The following FAM171B variants were observed in gnomAD, a reference collection of about 807,000 sequenced individuals.
FAM171B encodes family with sequence similarity 171 member B.
Under a neutral mutation model 75.6 loss-of-function variants are expected in FAM171B, and 19 were observed. The ratio of observed to expected loss-of-function variants is 0.25; its 90% CI spans 0.18 to 0.37. The LOEUF (loss-of-function observed/expected upper bound fraction) is 0.37. FAM171B is among the 10% of genes least tolerant of loss of function. The pLI is 1.00. For missense variants in FAM171B, 848 were observed against 982.4 expected (o/e 0.86, Z 1.83); for synonymous variants, 367 against 361.7 (o/e 1.01, Z -0.17).
chr2:186,763,475 AAAATAAGTAAGATGTTAATTTAG>A lies in FAM171B; in HGVS notation c.*657_*679del, dbSNP rs1295085119. 2 of 152,152 alleles carry A rather than the reference AAAATAAGTAAGATGTTAATTTAG, an allele frequency of 1.3e-5. No homozygotes were observed. The highest frequency in any genetic ancestry group is 2.9e-5 in the Non-Finnish European group (2 of 68,002). 9.4% of individuals were successfully genotyped at this position (152,152 alleles called of 1,614,324 possible). A position where few individuals can be genotyped will look rare whatever the true frequency, so the allele number is the denominator to read the frequency against. ...TGGTTGTTTTTGGATATAACTTTAC[AAAATAAGTAAGATGTTAATTTAG>A]AAATTTGAGAAATTAATGCTCTAAT... On this transcript the variant is annotated 3_prime_UTR_variant, in exon 8 of 8. Coordinates refer to ENST00000304698, the MANE Select transcript of FAM171B (RefSeq NM_177454.4).
At chr2:186,757,361 G>C (rs1019088941) in intron 6 of FAM171B, among the ~76,000 whole-genome samples, 1 of 152,070 alleles carries the variant, frequency 6.6e-6, no homozygotes, top group African/African-American at 2.4e-5. Flanking sequence ...GAAATTCCAA[G>C]TGTTTTAGAA....
At chr2:186,702,879 G>A (rs937022231) in intron 1 of FAM171B, among the ~76,000 whole-genome samples, 4 of 151,904 alleles carry the variant, frequency 2.6e-5, no homozygotes, top group Non-Finnish European at 4.4e-5. Flanking sequence ...TCATTTATAT[G>A]TGACATTTCA....
chr2:186,724,097 A>C (rs1277268160), intron 1 of FAM171B, among the ~76,000 whole-genome samples: 1 of 152,212 alleles, frequency 6.6e-6, no homozygotes, highest in East Asian at 1.9e-4. Flanking sequence ...AATAGATCAA[A>C]GTTGAGAAGT....
intron 1 of FAM171B, among the ~76,000 whole-genome samples, chr2:186,707,515 C>G (rs969807196): frequency 1.3e-5 from 2 of 152,096 alleles, no homozygotes; most frequent in Non-Finnish European, 2.9e-5. Flanking sequence ...CCCAACCCTG[C>G]CCTTCTATGC....
chr2:186,728,452 G>A (rs75147890), intron 1 of FAM171B, among the ~76,000 whole-genome samples: 24,897 of 152,090 alleles, frequency 0.16, 2,173 homozygotes, highest in Middle Eastern at 0.25. Flanking sequence ...CTGAGGAAAA[G>A]TAGGTAATCA....
intron 1 of FAM171B, among the ~76,000 whole-genome samples, chr2:186,698,034 T>A (rs1689606639): frequency 6.6e-6 from 1 of 152,202 alleles, no homozygotes; most frequent in Non-Finnish European, 1.5e-5. Flanking sequence ...ATACAACAGC[T>A]CTTATTTCTC....
At chr2:186,717,018 G>A (rs1027849327) in intron 1 of FAM171B, among the ~76,000 whole-genome samples, 2 of 152,134 alleles carry the variant, frequency 1.3e-5, no homozygotes, top group Admixed American at 1.3e-4. Context: ...CAGGCAGACA[G>A]GTAGTGTAAC....
chr2:186,725,169 C>T (rs950238672), intron 1 of FAM171B, among the ~76,000 whole-genome samples: 45 of 147,788 alleles, frequency 3.0e-4, no homozygotes, highest in African/African-American at 1.1e-3. Flanking sequence ...ACGGTGAAAC[C>T]CTGTCTCTAC....
At chr2:186,695,451 C>T (rs1158323665) in intron 1 of FAM171B, among the ~76,000 whole-genome samples, 1 of 152,084 alleles carries the variant, frequency 6.6e-6, no homozygotes, top group Non-Finnish European at 1.5e-5. Context: ...TTTATTATGA[C>T]GTTTGTTTTT....
intron 1 of FAM171B, among the ~76,000 whole-genome samples, chr2:186,714,261 GA>G (rs554258521): frequency 1.4e-4 from 21 of 152,104 alleles, no homozygotes; most frequent in Admixed American, 2.6e-4. Flanking sequence ...ATTAGATCTG[GA>G]AGATTGTGTT....
intron 2 of FAM171B, among the ~76,000 whole-genome samples, chr2:186,743,170 C>A (rs1357870182): frequency 6.6e-6 from 1 of 152,088 alleles, no homozygotes; most frequent in Non-Finnish European, 1.5e-5. Context: ...GTTATTCAAG[C>A]ATTTAACTTG....
Position 186,702,911 on chromosome 2 carries a change from T to C in FAM171B, c.238+8500T>C, listed in dbSNP as rs6717512. Among the ~76,000 whole-genome samples, 11 of 152,008 alleles carry C rather than the reference T, an allele frequency of 7.2e-5. No homozygotes were observed. The South Asian group carries it at 2.3e-3, about 32-fold the overall frequency. On this transcript the variant is annotated intron_variant, in intron 1 of 7. Transcript: ENST00000304698. ...TTCAACTTCTATTTAATATGCTTTT[T>C]CTTCCTCAAGCAGATTTCTATATCA...
In FAM171B at chr2:186,751,312, A is replaced by G. The variant is rs1196134922; in HGVS notation, c.895+8A>G. Reference sequence around the variant, plus strand: ...CATTTGATATGAACACAGGTATGTGAGCTAGGTTAAAATAGTCTGAATATT... The same window carrying G: ...CATTTGATATGAACACAGGTATGTGGGCTAGGTTAAAATAGTCTGAATATT... On this transcript the variant is annotated splice_region_variant and intron_variant, in intron 5 of 7. Coordinates refer to ENST00000304698, the MANE Select transcript of FAM171B (RefSeq NM_177454.4). The G allele has an allele frequency of 7.8e-6, 12 of 1,541,070 alleles. No homozygotes were observed. Among genetic ancestry groups the G allele is most frequent in the Non-Finnish European group, 1.1e-5 (12 of 1,136,264 alleles).
intron 4 of FAM171B, among the ~76,000 whole-genome samples, chr2:186,748,062 A>G (rs1019366336): frequency 1.3e-5 from 2 of 152,086 alleles, no homozygotes; most frequent in African/African-American, 4.8e-5. Context: ...AGCTGGGACT[A>G]CAGGCATGCA....
Position 186,737,476 on chromosome 2 carries a change from C to T in FAM171B, c.239-2752C>T, listed in dbSNP as rs1331093969. Among the ~76,000 whole-genome samples, 5 of 152,268 alleles carry T rather than the reference C, an allele frequency of 3.3e-5. No individual in the cohort carries two copies. The East Asian group carries it at 9.7e-4, about 29-fold the overall frequency. ...GGCTAAATCATCCTTCCTTCTCACC[C>T]TCCCAAGCAGCTGGCATGTGCCAGT... On this transcript the variant is annotated intron_variant, in intron 1 of 7. Coordinates refer to ENST00000304698, the MANE Select transcript of FAM171B (RefSeq NM_177454.4).
rs746873547 is a variant in FAM171B at position 186,740,274 on chromosome 2, T to G, written c.285T>G (p.Arg95=). 4 of 1,613,926 alleles carry G rather than the reference T, an allele frequency of 2.5e-6. No individual in the cohort carries two copies. Among genetic ancestry groups the G allele is most frequent in the Admixed American group, 1.7e-5 (1 of 60,006 alleles). ...TCCAGGTGAATGACATCATCAGTCG[T>G]CAGTACCTGAGCCAAGCAGTTGTAG... ...LKVQVNDIIS[R]QYLSQAVVEV... is the part of the protein sequence containing the mutation. The change falls in exon 2 of 8, where the codon CGT becomes CGG. Residue 95 remains arginine (R), a synonymous_variant. Transcript: ENST00000304698.
In FAM171B at chr2:186,762,006, A is replaced by G; in HGVS notation, c.1664A>G (p.His555Arg). 1 of 1,613,646 alleles carries G rather than the reference A, an allele frequency of 6.2e-7. No individual in the cohort carries two copies. Among genetic ancestry groups the G allele is most frequent in the Admixed American group, 1.7e-5 (1 of 59,906 alleles). ...SDLFSTPEQL[H>R]TAKSATLPRK... Reference sequence around the variant, plus strand: ...CTTTTCTCCACACCGGAACAATTACATACTGCTAAGTCAGCTACTTTGCCA... The same window carrying G: ...CTTTTCTCCACACCGGAACAATTACGTACTGCTAAGTCAGCTACTTTGCCA... The change falls in exon 8 of 8, where the codon CAT becomes CGT. Residue 555 changes from histidine (H) to arginine (R), a missense_variant. Transcript: ENST00000304698. The surrounding 1 kb of genome is among the most constrained non-coding windows in gnomAD (Gnocchi z 4.0).
chr2:186,701,241 C>T (rs1424442324), intron 1 of FAM171B, among the ~76,000 whole-genome samples: 1 of 152,054 alleles, frequency 6.6e-6, no homozygotes, highest in Non-Finnish European at 1.5e-5. Flanking sequence ...TTAAATTGTA[C>T]ATATTATATT....
chr2:186,761,521 T>C lies in FAM171B; in HGVS notation c.1179T>C (p.Thr393=), dbSNP rs751315190. The C allele has an allele frequency of 6.3e-7, 1 of 1,590,002 alleles. No homozygotes were observed. Among genetic ancestry groups the C allele is most frequent in the Admixed American group, 1.9e-5 (1 of 53,004 alleles). ...CACAGAAAAGAGAAAGAAATATCAC[T>C]AAACTTGAGGTCCTCAAGAGAGACC... is the stretch of plus-strand genomic sequence containing the variant. The part of the protein sequence containing the change: ...GTPQKRERNI[T]KLEVLKRDQT... The change falls in exon 8 of 8, where the codon ACT becomes ACC. Residue 393 remains threonine, a synonymous_variant. Transcript: ENST00000304698.
Sources: allele counts gnomAD v4.1 joint callset (sites outside exome capture counted in the v4.1 genomes callset), GRCh38; gene constraint gnomAD v4.1.1; non-coding constraint Gnocchi (gnomAD v3.1); transcripts MANE v1.5; gene names NCBI Gene and HGNC (gene_info 2026-07-23, HGNC 2026-07-21).